STAT4: variants seen among roughly 807,000 people sequenced by gnomAD.
The protein encoded by STAT4 is signal transducer and activator of transcription 4.
A neutral mutation model predicts 110.5 loss-of-function variants in STAT4; 42 were observed. That is an observed-to-expected ratio of 0.38 (90% CI 0.30 to 0.49). The LOEUF (loss-of-function observed/expected upper bound fraction) is 0.49. Among genes scored for constraint, STAT4 ranks in the 20% least tolerant of loss-of-function variants. STAT4 has a pLI of 0.95. For synonymous variants in STAT4, 284 were observed against 302.2 expected, an observed-to-expected ratio of 0.94 and a Z score of 0.63; for missense variants, 632 against 887.9, an observed-to-expected ratio of 0.71 and a Z score of 3.66.
At chr2:191,072,998 T>C (rs1452373963) in intron 5 of STAT4, 100 bp downstream of exon 5, 7 of 845,710 alleles carry the variant, frequency 8.3e-6, no homozygotes, top group Non-Finnish European at 1.3e-5. Context: ...AATTGCCCTA[T>C]GATTTCTGTA....
At chr2:191,121,448 T>C (rs1698725204) in intron 3 of STAT4, among the ~76,000 whole-genome samples, 1 of 152,220 alleles carries the variant, frequency 6.6e-6, no homozygotes, top group African/African-American at 2.4e-5. Flanking sequence ...TTATAAATCA[T>C]GCTGCTGTAA....
At chr2:191,133,033 C>T (rs1175933754) in intron 3 of STAT4, among the ~76,000 whole-genome samples, 5 of 151,316 alleles carry the variant, frequency 3.3e-5, no homozygotes, top group African/African-American at 4.9e-5. Flanking sequence ...GGATTACAGG[C>T]GTGGGCCACT....
chr2:191,066,505 G>T lies in STAT4; in HGVS notation c.555C>A (p.Asp185Glu), dbSNP rs1181051408. 2 of 1,613,188 alleles carry T rather than the reference G, an allele frequency of 1.2e-6. No homozygotes were observed. The highest frequency in any genetic ancestry group is 1.7e-6 in the Non-Finnish European group (2 of 1,179,524). The change falls in exon 7 of 24, where the codon GAC (aspartate) becomes GAA (glutamate). Residue 185 changes from aspartate to glutamate, a missense_variant. By Grantham distance (45) the Asp-to-Glu change is conservative (BLOSUM62 2). Around this residue, in one of 4 missense-constraint regions of STAT4, gnomAD observed 488 missense variants for 632.8 expected, o/e 0.77. Transcript: ENST00000392320. This position sits in a 1 kb window ranked among gnomAD's most constrained non-coding sequence, Gnocchi z 4.3. The stretch of plus-strand genomic sequence containing the variant: ...CCTGATTCACCATGGCACTATTCTT[G>T]TCACTCTGATCTGCAAAGGTAAAGA... The part of the protein sequence containing the change: ...YKTIQTMDQS[D>E]KNSAMVNQEV...
In STAT4 at chr2:191,128,229, G is replaced by T. The variant is rs549983496; in HGVS notation, c.273+18384C>A. Reference sequence around the variant, plus strand: ...GCTTGACGAATTGACTGCTACCCATGTGTGGCAAAATGGCATGAATATTGA... The same window carrying T: ...GCTTGACGAATTGACTGCTACCCATTTGTGGCAAAATGGCATGAATATTGA... On this transcript the variant is annotated intron_variant, in intron 3 of 23. Transcript: ENST00000392320. Among the ~76,000 whole-genome samples the T allele has an allele frequency of 1.3e-3, 196 of 152,352 alleles. 2 individuals are homozygous for T. Among genetic ancestry groups the T allele is most frequent in the African/African-American group, 4.7e-3 (194 of 41,588 alleles).
Position 191,051,411 on chromosome 2 carries a change from G to C in STAT4, c.1251+3079C>G, listed in dbSNP as rs1475498321. 6.6e-6 allele frequency among the ~76,000 whole-genome samples: 1 copy of C among 152,212 alleles called. No individual in the cohort carries two copies. Among genetic ancestry groups the C allele is most frequent in the Non-Finnish European group, 1.5e-5 (1 of 68,048 alleles). ...TCAGTCCTCACAACAACCCTTAGAA[G>C]TGTAGGTTAACATTAGCACCATTTT... On this transcript the variant is annotated intron_variant, in intron 14 of 23. Transcript: ENST00000392320. This position sits in a 1 kb window ranked among gnomAD's most constrained non-coding sequence, Gnocchi z 5.6.
chr2:191,095,260 G>C (rs980650434), intron 3 of STAT4, among the ~76,000 whole-genome samples: 15 of 152,184 alleles, frequency 9.9e-5, no homozygotes, highest in Non-Finnish European at 1.9e-4. Flanking sequence ...GCAACAAGCA[G>C]ACCTAACAGA....
chr2:191,057,350 C>G (rs557850957), intron 13 of STAT4, among the ~76,000 whole-genome samples: 1 of 152,302 alleles, frequency 6.6e-6, no homozygotes, highest in South Asian at 2.1e-4. Flanking sequence ...CAATTTCATT[C>G]TTTCAATGGC....
Position 191,033,865 on chromosome 2 carries a change from A to T in STAT4, c.1715+46T>A, listed in dbSNP as rs751663172. ...AGAAGAAAACCAATAACAACAGAAA[A>T]AAAGAACATAATTAACTCATATGAA... is the stretch of plus-strand genomic sequence containing the variant. On this transcript the variant is annotated intron_variant, in intron 19 of 23. Coordinates refer to ENST00000392320, the MANE Select transcript of STAT4 (RefSeq NM_003151.4). This position sits in a 1 kb window ranked among gnomAD's most constrained non-coding sequence, Gnocchi z 6.9. 1 of 1,487,250 alleles carries T rather than the reference A, an allele frequency of 6.7e-7. No individual in the cohort carries two copies. Among genetic ancestry groups the T allele is most frequent in the South Asian group, 1.2e-5 (1 of 80,818 alleles). The allele number at this position is 1,487,250 out of a possible 1,614,324, so 92.1% of individuals were successfully genotyped here.
rs1698589962 is a variant in STAT4 at position 191,117,010 on chromosome 2, C to A, written c.273+29603G>T. Among the ~76,000 whole-genome samples the A allele has an allele frequency of 6.6e-6, 1 of 152,158 alleles. No homozygotes were observed. The highest frequency in any genetic ancestry group is 1.5e-5 in the Non-Finnish European group (1 of 68,036). ...TTTTGCATTACTTTGAGCAGAGTCT[C>A]AATCTTGGCTACATCTTACAATCAC... On this transcript the variant is annotated intron_variant, in intron 3 of 23. Coordinates refer to ENST00000392320, the MANE Select transcript of STAT4 (RefSeq NM_003151.4). This position sits in a 1 kb window ranked among gnomAD's most constrained non-coding sequence, Gnocchi z 5.2.
chr2:191,151,137 C>T (rs775684810), upstream of STAT4: 1 of 985,502 alleles, frequency 1.0e-6, no homozygotes, highest in Non-Finnish European at 1.2e-6. The surrounding 1 kb of genome is among the most constrained non-coding windows in gnomAD (Gnocchi z 4.7). Context: ...CCCACCCACT[C>T]TATTCTAGAA....
rs560491945 is a variant in STAT4, at chr2:191,053,409, T to C, written c.1251+1081A>G. Among the ~76,000 whole-genome samples the C allele has an allele frequency of 2.0e-5, 3 of 152,318 alleles. No homozygotes were observed. The South Asian group carries it at 6.2e-4, about 32-fold the overall frequency. On this transcript the variant is annotated intron_variant, in intron 14 of 23. Transcript: ENST00000392320. This position sits in a 1 kb window ranked among gnomAD's most constrained non-coding sequence, Gnocchi z 4.5. ...CACATTTTCAGGCCCTGGCAGAGCA[T>C]GTACTCAAACCCAGGTTTTCTAGTT...
rs1697361051 is a variant in STAT4, at chr2:191,077,933, A to AT, written c.274-1609dup. ...ATCCTATTTATGAAGCGGGGATACC[A>AT]TTTTTTCCATTTCCGTGTGTCGACA... On this transcript the variant is annotated intron_variant, in intron 3 of 23. Coordinates refer to ENST00000392320, the MANE Select transcript of STAT4 (RefSeq NM_003151.4). This position sits in a 1 kb window ranked among gnomAD's most constrained non-coding sequence, Gnocchi z 4.1. 6.6e-6 allele frequency among the ~76,000 whole-genome samples: 1 copy of AT among 152,050 alleles called. No homozygotes were observed. The highest frequency in any genetic ancestry group is 2.4e-5 in the African/African-American group (1 of 41,414).
intron 3 of STAT4, chr2:191,121,981 T>G (rs945898547): frequency 6.6e-6 from 1 of 151,984 alleles, no homozygotes; most frequent in East Asian, 1.9e-4. Flanking sequence ...ATACAAAAAT[T>G]GGAAAGATAC....
rs1698384499 is a variant in STAT4 at position 191,110,062 on chromosome 2, CA to C, written c.274-33738del. On this transcript the variant is annotated intron_variant, in intron 3 of 23. Transcript: ENST00000392320. The surrounding 1 kb of genome is among the most constrained non-coding windows in gnomAD (Gnocchi z 4.5). ...GAGTTGTCACCTCCCACCTAGGATC[CA>C]ACCACTGCACCTTCCACAGGGCCCT... Among the ~76,000 whole-genome samples, 1 of 152,270 alleles carries C rather than the reference CA, an allele frequency of 6.6e-6. No individual in the cohort carries two copies. Among genetic ancestry groups the C allele is most frequent in the Non-Finnish European group, 1.5e-5 (1 of 68,020 alleles).
In STAT4 at chr2:191,117,401, T is replaced by C. The variant is rs1474676356; in HGVS notation, c.273+29212A>G. Reference sequence around the variant, plus strand: ...AATGTAATTTATTGCATGATTATCTTCCAGAACATCCTCGGGCATTTCTTC... The same window carrying C: ...AATGTAATTTATTGCATGATTATCTCCCAGAACATCCTCGGGCATTTCTTC... On this transcript the variant is annotated intron_variant, in intron 3 of 23. Coordinates refer to ENST00000392320, the MANE Select transcript of STAT4 (RefSeq NM_003151.4). The surrounding 1 kb of genome is among the most constrained non-coding windows in gnomAD (Gnocchi z 5.2). 6.6e-6 allele frequency among the ~76,000 whole-genome samples: 1 copy of C among 152,216 alleles called. No homozygotes were observed. Among genetic ancestry groups the C allele is most frequent in the Non-Finnish European group, 1.5e-5 (1 of 68,038 alleles).
In STAT4 at chr2:191,039,192, A is replaced by T; in HGVS notation, c.1434+7T>A. 2 of 1,608,224 alleles carry T rather than the reference A, an allele frequency of 1.2e-6. No homozygotes were observed. The highest frequency in any genetic ancestry group is 1.7e-6 in the Non-Finnish European group (2 of 1,174,586). ...ATTAAAGAAGTTGAGGTAGAAATAG[A>T]GTCTACCTGGGAATCGTTGGTTGAC... On this transcript the variant is annotated splice_region_variant and intron_variant, in intron 16 of 23. Transcript: ENST00000392320. The surrounding 1 kb of genome is among the most constrained non-coding windows in gnomAD (Gnocchi z 4.7).
chr2:191,132,816 G>A (rs1182248065), intron 3 of STAT4, among the ~76,000 whole-genome samples: 2 of 149,066 alleles, frequency 1.3e-5, no homozygotes, highest in Non-Finnish European at 3.0e-5. Context: ...GTGCAGTGGC[G>A]TGATCTCGGC....
At chr2:191,064,185 C>T (rs912095064) in intron 8 of STAT4, among the ~76,000 whole-genome samples, 7 of 152,168 alleles carry the variant, frequency 4.6e-5, no homozygotes, top group African/African-American at 1.7e-4. Flanking sequence ...TGGTATACAA[C>T]ATGATGTTTT....
In STAT4 at chr2:191,117,074, T is replaced by C. The variant is rs1181093226; in HGVS notation, c.273+29539A>G. ...CAAAATCCAATAGGAACAGAATCTC[T>C]GGAGTGGGGCTGCGCATGGCTAATT... On this transcript the variant is annotated intron_variant, in intron 3 of 23. Transcript: ENST00000392320. The surrounding 1 kb of genome is among the most constrained non-coding windows in gnomAD (Gnocchi z 5.2). Among the ~76,000 whole-genome samples, 1 of 152,176 alleles carries C rather than the reference T, an allele frequency of 6.6e-6. No homozygotes were observed. The highest frequency in any genetic ancestry group is 2.4e-5 in the African/African-American group (1 of 41,460).
Sources: allele counts gnomAD v4.1 joint callset (sites outside exome capture counted in the v4.1 genomes callset), GRCh38; gene constraint gnomAD v4.1.1; regional missense constraint gnomAD v4.1.1; non-coding constraint Gnocchi (gnomAD v3.1); transcripts MANE v1.5; gene names NCBI Gene and HGNC (gene_info 2026-07-23, HGNC 2026-07-21).